The following SAMD4A variants were observed in gnomAD, a reference collection of about 807,000 sequenced individuals.
The protein encoded by SAMD4A is protein Smaug homolog 1.
Under a neutral mutation model 81.3 loss-of-function variants are expected in SAMD4A, and 33 were observed. That is an observed-to-expected ratio of 0.41 (90% CI 0.31 to 0.54). The LOEUF (loss-of-function observed/expected upper bound fraction) is 0.54, where lower values mean the gene tolerates loss of function less well. SAMD4A is among the 20% of genes least tolerant of loss of function. The probability of loss-of-function intolerance (pLI) is 0.37; values close to 1 mark genes in which losing one functional copy is unlikely to be tolerated. For missense variants in SAMD4A, 854 were observed against 951.1 expected (o/e 0.90, Z 1.34); for synonymous variants, 389 against 382.1 (o/e 1.02, Z -0.21).
chr14:54,792,246 G>A lies in SAMD4A; in HGVS notation c.*3302G>A, dbSNP rs1007315015. The A allele has an allele frequency of 4.6e-5, 7 of 152,142 alleles. No homozygotes were observed. Among genetic ancestry groups the A allele is most frequent in the Admixed American group, 1.3e-4 (2 of 15,282 alleles). The allele number at this position is 152,142 out of a possible 1,614,324, so 9.4% of individuals were successfully genotyped here. On this transcript the variant is annotated 3_prime_UTR_variant, in exon 13 of 13. Coordinates refer to ENST00000554335, the MANE Select transcript of SAMD4A (RefSeq NM_015589.6). Reference sequence around the variant, plus strand: ...GCCTGTCCGGGCGGCTCTTTGCACCGAGCTCTCAAATCCTGTGTATTGAGG... The same window carrying A: ...GCCTGTCCGGGCGGCTCTTTGCACCAAGCTCTCAAATCCTGTGTATTGAGG...
chr14:54,781,868 G>A (rs2039007413), intron 11 of SAMD4A, among the ~76,000 whole-genome samples: 1 of 152,212 alleles, frequency 6.6e-6, no homozygotes, highest in Non-Finnish European at 1.5e-5. Context: ...TCTTATACGT[G>A]CGGCGAGATG....
intron 2 of SAMD4A, among the ~76,000 whole-genome samples, chr14:54,651,650 T>G (rs928006217): frequency 7.2e-5 from 11 of 152,264 alleles, no homozygotes; most frequent in African/African-American, 2.7e-4. Flanking sequence ...GATTAATATT[T>G]ATATGTAATC....
intron 3 of SAMD4A, among the ~76,000 whole-genome samples, chr14:54,718,346 A>G (rs955663922): frequency 6.6e-6 from 1 of 152,244 alleles, no homozygotes; most frequent in African/African-American, 2.4e-5. Context: ...TACTGGAAGA[A>G]TAGCCACAAA....
At chr14:54,651,056 A>G (rs2035392730) in intron 2 of SAMD4A, among the ~76,000 whole-genome samples, 1 of 152,140 alleles carries the variant, frequency 6.6e-6, no homozygotes, top group Admixed American at 6.5e-5. Flanking sequence ...ACATTTCTTC[A>G]CTATTTTCAC....
chr14:54,613,333 G>C (rs1382180141), intron 2 of SAMD4A, among the ~76,000 whole-genome samples: 1 of 152,172 alleles, frequency 6.6e-6, no homozygotes, highest in Non-Finnish European at 1.5e-5. Flanking sequence ...GGTGGGAGCA[G>C]GTTAGGGTGA....
In SAMD4A at chr14:54,789,288, T is replaced by G. The variant is rs966441531; in HGVS notation, c.*344T>G. Reference sequence around the variant, plus strand: ...GGAAAGAGTACTGCCATGAAAGAGATAGGAGACACATAAGAGGACAGCAGA... The same window carrying G: ...GGAAAGAGTACTGCCATGAAAGAGAGAGGAGACACATAAGAGGACAGCAGA... On this transcript the variant is annotated 3_prime_UTR_variant, in exon 13 of 13. Coordinates refer to ENST00000554335, the MANE Select transcript of SAMD4A (RefSeq NM_015589.6). The G allele has an allele frequency of 1.4e-5, 5 of 359,756 alleles. No homozygotes were observed. Among genetic ancestry groups the G allele is most frequent in the Admixed American group, 4.0e-5 (1 of 24,716 alleles). The allele number at this position is 359,756 out of a possible 1,614,324, so 22.3% of individuals were successfully genotyped here.
chr14:54,617,689 G>A (rs1741353439), intron 2 of SAMD4A, among the ~76,000 whole-genome samples: 1 of 152,116 alleles, frequency 6.6e-6, no homozygotes. Flanking sequence ...AGTTCTCACT[G>A]CCACTACTCA....
intron 11 of SAMD4A, among the ~76,000 whole-genome samples, chr14:54,781,581 G>C (rs1373717724): frequency 2.0e-5 from 3 of 152,254 alleles, no homozygotes; most frequent in Non-Finnish European, 4.4e-5. Flanking sequence ...CTTTGGGAAA[G>C]AGCAGAGGAG....
chr14:54,780,885 T>G (rs1189048054), intron 11 of SAMD4A, among the ~76,000 whole-genome samples: 1 of 152,186 alleles, frequency 6.6e-6, no homozygotes, highest in East Asian at 1.9e-4. Context: ...CATGGCCATC[T>G]CTGCCATCCT....
At chr14:54,736,065 AGTT>A (rs2037684039) in intron 3 of SAMD4A, among the ~76,000 whole-genome samples, 1 of 152,208 alleles carries the variant, frequency 6.6e-6, no homozygotes, top group South Asian at 2.1e-4. Context: ...TATTTTGTAA[AGTT>A]GTCACTTTAC....
intron 4 of SAMD4A, among the ~76,000 whole-genome samples, chr14:54,741,846 G>C (rs2037851212): frequency 6.6e-6 from 1 of 152,146 alleles, no homozygotes; most frequent in Non-Finnish European, 1.5e-5. Flanking sequence ...CAATGACAAG[G>C]GTGCTTGACC....
intron 2 of SAMD4A, among the ~76,000 whole-genome samples, chr14:54,622,102 T>C (rs1011016474): frequency 3.9e-5 from 6 of 152,186 alleles, no homozygotes; most frequent in Admixed American, 1.3e-4. Flanking sequence ...TTTTCTTGAA[T>C]GGGAATATTT....
At chr14:54,712,637 C>T (rs370385278) in intron 3 of SAMD4A, among the ~76,000 whole-genome samples, 5 of 152,050 alleles carry the variant, frequency 3.3e-5, no homozygotes, top group African/African-American at 1.2e-4. Flanking sequence ...GTCTGTTTTC[C>T]AAGGCTTGGG....
intron 6 of SAMD4A, among the ~76,000 whole-genome samples, chr14:54,757,361 G>A (rs185662233): frequency 2.8e-5 from 4 of 144,812 alleles, no homozygotes; most frequent in East Asian, 2.0e-4. Context: ...AACATTATTC[G>A]TTATGTATTT....
At chr14:54,574,701 T>C (rs867410051) in intron 2 of SAMD4A, among the ~76,000 whole-genome samples, 1 of 152,252 alleles carries the variant, frequency 6.6e-6, no homozygotes. Flanking sequence ...AATAGTTCTC[T>C]TGGCTCCTCC....
intron 2 of SAMD4A, among the ~76,000 whole-genome samples, chr14:54,601,240 A>G (rs963107146): frequency 2.0e-5 from 3 of 152,156 alleles, no homozygotes; most frequent in African/African-American, 2.4e-5. Flanking sequence ...CTTCATTACA[A>G]TAACTCTCAT....
intron 2 of SAMD4A, among the ~76,000 whole-genome samples, chr14:54,670,542 G>A (rs191686871): frequency 1.1e-4 from 17 of 152,238 alleles, no homozygotes; most frequent in East Asian, 5.8e-4. Flanking sequence ...TTTTGACCTC[G>A]GCCAAATGAC....
At chr14:54,675,234 C>G (rs1275439206) in intron 2 of SAMD4A, among the ~76,000 whole-genome samples, 4 of 151,992 alleles carry the variant, frequency 2.6e-5, no homozygotes, top group Admixed American at 2.6e-4. Context: ...GGCGTGGTGG[C>G]GGGCGCCTGT....
intron 3 of SAMD4A, among the ~76,000 whole-genome samples, chr14:54,712,921 G>A (rs2037026782): frequency 6.6e-6 from 1 of 152,142 alleles, no homozygotes; most frequent in Non-Finnish European, 1.5e-5. Flanking sequence ...TGGAATAAAT[G>A]GCTTAAGTTG....
Sources: allele counts gnomAD v4.1 joint callset (sites outside exome capture counted in the v4.1 genomes callset), GRCh38; gene constraint gnomAD v4.1.1; transcripts MANE v1.5; gene names NCBI Gene and HGNC (gene_info 2026-07-23, HGNC 2026-07-21).